The following PTP4A3 variants were observed in gnomAD, a reference collection of about 807,000 sequenced individuals.
PTP4A3 encodes protein tyrosine phosphatase 4A3.
Under a neutral mutation model 15.2 loss-of-function variants are expected in PTP4A3, and 9 were observed. That is an observed-to-expected ratio of 0.59 (90% CI 0.36 to 1.03). The LOEUF (loss-of-function observed/expected upper bound fraction) is 1.03, where lower values mean the gene tolerates loss of function less well. Among genes scored for constraint, PTP4A3 ranks in the 50% least tolerant of loss-of-function variants. The pLI is 0.02. For missense variants in PTP4A3, 234 were observed against 252.1 expected (o/e 0.93, Z 0.49); for synonymous variants, 95 against 102.0 (o/e 0.93, Z 0.41).
chr8:141,420,668 A>G (rs760753567), intron 1 of PTP4A3, among the ~76,000 whole-genome samples: 29 of 152,148 alleles, frequency 1.9e-4, no homozygotes, highest in Non-Finnish European at 3.8e-4. Context: ...GAGCTCCTGG[A>G]GGGGCAGAGC....
At chr8:141,399,606 C>T (rs893859674) in intron 1 of PTP4A3, among the ~76,000 whole-genome samples, 1 of 152,238 alleles carries the variant, frequency 6.6e-6, no homozygotes, top group African/African-American at 2.4e-5. Flanking sequence ...AGACCCCGGC[C>T]CCCACAGCAG....
chr8:141,426,398 G>A (rs1833579180), intron 3 of PTP4A3: 1 of 979,932 alleles, frequency 1.0e-6, no homozygotes, highest in Non-Finnish European at 1.2e-6. Context: ...GGGGCCCGGT[G>A]GAACCGCCTG....
chr8:141,398,356 T>C (rs1027048585), intron 1 of PTP4A3, among the ~76,000 whole-genome samples: 1 of 152,158 alleles, frequency 6.6e-6, no homozygotes, highest in Non-Finnish European at 1.5e-5. Context: ...CTCCCAGAGA[T>C]TCCAGCACCC....
At chr8:141,412,229 G>T (rs1233632108) in intron 1 of PTP4A3, among the ~76,000 whole-genome samples, 1 of 152,222 alleles carries the variant, frequency 6.6e-6, no homozygotes, top group Non-Finnish European at 1.5e-5. Context: ...GTCTGGGTAT[G>T]GTGGAAGTGG....
At chr8:141,407,748 G>A (rs1408575215) in intron 1 of PTP4A3, among the ~76,000 whole-genome samples, 1 of 152,070 alleles carries the variant, frequency 6.6e-6, no homozygotes, top group African/African-American at 2.4e-5. Flanking sequence ...TGTATTTTTA[G>A]TAGAGATGGG....
chr8:141,406,101 C>T lies in PTP4A3; in HGVS notation c.-854+14017C>T, dbSNP rs1317678786. On this transcript the variant is annotated intron_variant, in intron 1 of 5. Transcript: ENST00000521578. This position sits in a 1 kb window ranked among gnomAD's most constrained non-coding sequence, Gnocchi z 4.5. ...GAGGGGGCTATGATCTGACTTAGGT[C>T]GAGGACACTGGTGGGGGCAGTGGTG... is the stretch of plus-strand genomic sequence containing the variant. Among the ~76,000 whole-genome samples, 3 of 151,988 alleles carry T rather than the reference C, an allele frequency of 2.0e-5. No individual in the cohort carries two copies. Among genetic ancestry groups the T allele is most frequent in the South Asian group, 2.1e-4 (1 of 4,826 alleles).
chr8:141,402,969 G>A (rs1832632398), intron 1 of PTP4A3, among the ~76,000 whole-genome samples: 1 of 152,280 alleles, frequency 6.6e-6, no homozygotes, highest in Middle Eastern at 3.4e-3. Flanking sequence ...AGGAATAGAT[G>A]TCTCAGGAGG....
At chr8:141,409,678 G>C (rs1445978647) in intron 1 of PTP4A3, among the ~76,000 whole-genome samples, 1 of 152,246 alleles carries the variant, frequency 6.6e-6, no homozygotes, top group Non-Finnish European at 1.5e-5. Flanking sequence ...ATGCCTGGGA[G>C]AGCAGGTCTC....
At chr8:141,410,422 G>A (rs938476992) in intron 1 of PTP4A3, among the ~76,000 whole-genome samples, 2 of 152,230 alleles carry the variant, frequency 1.3e-5, no homozygotes, top group African/African-American at 4.8e-5. Flanking sequence ...GAAGCCCTGC[G>A]GGGAAGAAGC....
chr8:141,413,875 A>G (rs537086190), intron 1 of PTP4A3, among the ~76,000 whole-genome samples: 4 of 150,664 alleles, frequency 2.7e-5, no homozygotes, highest in African/African-American at 5.0e-5. Context: ...TGCGGTATGG[A>G]CAGGAGGACA....
intron 1 of PTP4A3, among the ~76,000 whole-genome samples, chr8:141,414,914 C>T (rs1455030796): frequency 6.6e-6 from 1 of 151,522 alleles, no homozygotes; most frequent in African/African-American, 2.4e-5. Context: ...GACCCGGGCC[C>T]TGGACTGCAG....
chr8:141,424,510 G>A (rs1181087341), intron 2 of PTP4A3, among the ~76,000 whole-genome samples: 1 of 152,110 alleles, frequency 6.6e-6, no homozygotes, highest in Non-Finnish European at 1.5e-5. Context: ...CTCAGCTGGG[G>A]TCGCTGTTCG....
At chr8:141,417,704 G>A (rs925787097) in intron 1 of PTP4A3, among the ~76,000 whole-genome samples, 5 of 151,988 alleles carry the variant, frequency 3.3e-5, no homozygotes, top group Non-Finnish European at 7.4e-5. Context: ...CAGCGCCCCC[G>A]GCCCTCGCCG....
chr8:141,427,620 T>TG, intron 4 of PTP4A3, 130 bp from the exon 5 acceptor site: 1 of 749,782 alleles, frequency 1.3e-6, no homozygotes, highest in Admixed American at 3.0e-5. Flanking sequence ...GTGGCCTCCA[T>TG]GGGGGAGCTT....
At chr8:141,419,674 C>T (rs967442400) in intron 1 of PTP4A3, among the ~76,000 whole-genome samples, 5 of 151,074 alleles carry the variant, frequency 3.3e-5, no homozygotes, top group Non-Finnish European at 7.4e-5. Flanking sequence ...AGGGTTCAAG[C>T]GATTCTCCTG....
At chr8:141,418,345 G>A (rs2130067834) in intron 1 of PTP4A3, among the ~76,000 whole-genome samples, 1 of 152,380 alleles carries the variant, frequency 6.6e-6, no homozygotes, top group South Asian at 2.1e-4. Context: ...CATCGGGAAG[G>A]AGGGCGGTAG....
chr8:141,417,022 A>G (rs1356064995), intron 1 of PTP4A3, among the ~76,000 whole-genome samples: 2 of 152,122 alleles, frequency 1.3e-5, no homozygotes, highest in East Asian at 3.9e-4. Flanking sequence ...CAGGGCGGGC[A>G]CAGAGTGGGT....
chr8:141,426,729 A>G, intron 3 of PTP4A3: 2 of 956,168 alleles, frequency 2.1e-6, no homozygotes, highest in Non-Finnish European at 2.5e-6. Context: ...GCTGCAGTGT[A>G]CAGGGAATGA....
intron 1 of PTP4A3, among the ~76,000 whole-genome samples, chr8:141,411,594 T>C (rs923266513): frequency 3.3e-5 from 5 of 152,136 alleles, no homozygotes; most frequent in Admixed American, 3.3e-4. Context: ...GCCGGCTGAG[T>C]CCCCTCACCG....
Sources: gnomAD v4.1 joint callset for allele counts (sites outside exome capture counted in the v4.1 genomes callset) on GRCh38, gnomAD v4.1.1 for gene constraint, Gnocchi (gnomAD v3.1) non-coding constraint, MANE v1.5 for transcripts, NCBI Gene and HGNC (gene_info 2026-07-23, HGNC 2026-07-21) for gene names.